GPHN: variants seen among roughly 807,000 people sequenced by gnomAD.
GPHN encodes gephyrin.
In GPHN, 17 loss-of-function variants were observed where a neutral mutation model predicts 95.5. That is an observed-to-expected ratio of 0.18 (90% CI 0.12 to 0.27). The LOEUF is 0.27. GPHN is among the 10% of genes least tolerant of loss of function. The probability of loss-of-function intolerance (pLI) is 1.00; values close to 1 mark genes in which losing one functional copy is unlikely to be tolerated. For synonymous variants in GPHN, 320 were observed against 322.5 expected, an observed-to-expected ratio of 0.99 and a Z score of 0.08; for missense variants, 660 against 978.1, an observed-to-expected ratio of 0.67 and a Z score of 4.34.
the GPHN span, among the ~76,000 whole-genome samples, chr14:67,261,421 A>T: frequency 2.6e-5 from 4 of 152,164 alleles, no homozygotes; most frequent in African/African-American, 4.8e-5. Flanking sequence ...GGGAGTTGGT[A>T]TAGTTATAAG....
chr14:67,221,690 A>G, the GPHN span: 1 of 1,549,300 alleles, frequency 6.5e-7, no homozygotes, highest in Non-Finnish European at 8.8e-7. Context: ...CATTTAAAGA[A>G]TGACCGGTTA....
At chr14:67,227,223 C>T in the GPHN span, among the ~76,000 whole-genome samples, 4 of 151,850 alleles carry the variant, frequency 2.6e-5, no homozygotes, top group African/African-American at 4.8e-5. Flanking sequence ...GGGTGGATCA[C>T]GAGGTCAGGA....
chr14:67,359,776 G>C, the GPHN span: 3 of 1,542,612 alleles, frequency 1.9e-6, no homozygotes, highest in Admixed American at 5.0e-5. Flanking sequence ...CCTCCACAGT[G>C]TCTTCCTCTA....
At chr14:66,916,781 C>T (rs2153558558) in intron 6 of GPHN, among the ~76,000 whole-genome samples, 1 of 152,252 alleles carries the variant, frequency 6.6e-6, no homozygotes, top group South Asian at 2.1e-4. Flanking sequence ...CTACTTTTAC[C>T]CTCAGACTCT....
At chr14:67,503,465 CAG>C in the GPHN span, 1 of 152,190 alleles carries the variant, frequency 6.6e-6, no homozygotes, top group Non-Finnish European at 1.5e-5. Flanking sequence ...GCTTGAATGA[CAG>C]GGCAAAGGAC....
the GPHN span, among the ~76,000 whole-genome samples, chr14:67,347,674 A>C: frequency 1.1e-4 from 16 of 151,794 alleles, no homozygotes; most frequent in African/African-American, 3.9e-4. Context: ...CTAATTTTGT[A>C]TTTTTAGTAG....
At chr14:67,639,288 A>T in the GPHN span, among the ~76,000 whole-genome samples, 4 of 152,118 alleles carry the variant, frequency 2.6e-5, no homozygotes, top group African/African-American at 9.7e-5. Context: ...AAGTTCTGTG[A>T]CTTATCCACT....
intron 11 of GPHN, among the ~76,000 whole-genome samples, chr14:67,080,628 G>A (rs1001273323): frequency 6.6e-6 from 1 of 151,860 alleles, no homozygotes; most frequent in Non-Finnish European, 1.5e-5. Flanking sequence ...AATTTCCATA[G>A]GTTATTAGGG....
At chr14:67,573,119 G>A in the GPHN span, among the ~76,000 whole-genome samples, 1 of 152,208 alleles carries the variant, frequency 6.6e-6, no homozygotes, top group African/African-American at 2.4e-5. The surrounding 1 kb of genome is among the most constrained non-coding windows in gnomAD (Gnocchi z 4.8). Flanking sequence ...AACCATAGCA[G>A]GGCATGGTAC....
chr14:67,389,114 T>C, the GPHN span, among the ~76,000 whole-genome samples: 1 of 151,958 alleles, frequency 6.6e-6, no homozygotes, highest in Non-Finnish European at 1.5e-5. Context: ...TCAGGGCAAC[T>C]TTACACACCT....
chr14:67,201,738 C>A, the GPHN span: 1 of 339,892 alleles, frequency 2.9e-6, no homozygotes, highest in Non-Finnish European at 5.8e-6. Context: ...AGAAGAGGGG[C>A]ACAGTTTGGG....
At chr14:67,002,510 C>T (rs549062286) in intron 9 of GPHN, among the ~76,000 whole-genome samples, 177 of 151,112 alleles carry the variant, frequency 1.2e-3, no homozygotes, top group African/African-American at 4.1e-3. Flanking sequence ...AACATTTTGT[C>T]GGTTTTCTTG....
the GPHN span, among the ~76,000 whole-genome samples, chr14:67,428,195 A>G: frequency 6.6e-6 from 1 of 152,144 alleles, no homozygotes; most frequent in African/African-American, 2.4e-5. Context: ...CTGGAATTAC[A>G]GGCATGAGCC....
the GPHN span, among the ~76,000 whole-genome samples, chr14:67,469,047 G>C: frequency 3.3e-5 from 5 of 152,074 alleles, no homozygotes; most frequent in Non-Finnish European, 7.3e-5. Flanking sequence ...ATCTTGTTCT[G>C]AGAGAACTAC....
At chr14:67,379,815 C>T in the GPHN span, among the ~76,000 whole-genome samples, 4 of 150,820 alleles carry the variant, frequency 2.7e-5, no homozygotes, top group East Asian at 2.0e-4. Context: ...CCACTACGCC[C>T]GGCTAATTTT....
chr14:67,664,663 A>AT, the GPHN span, among the ~76,000 whole-genome samples: 3 of 151,476 alleles, frequency 2.0e-5, no homozygotes, highest in Non-Finnish European at 4.4e-5. Context: ...TGCCCGGCTA[A>AT]TTTTTTTACA....
chr14:67,225,757 C>G, the GPHN span, among the ~76,000 whole-genome samples: 1 of 152,138 alleles, frequency 6.6e-6, no homozygotes, highest in Non-Finnish European at 1.5e-5. Flanking sequence ...GTGGCCCTGG[C>G]CTACTGTATT....
intron 2 of GPHN, among the ~76,000 whole-genome samples, chr14:66,687,984 A>C (rs780076444): frequency 2.4e-4 from 37 of 152,188 alleles, no homozygotes; most frequent in Non-Finnish European, 4.1e-4. Context: ...TTGAACATTT[A>C]GGTGTAACTT....
At chr14:67,618,265 A>G in the GPHN span, among the ~76,000 whole-genome samples, 3 of 152,190 alleles carry the variant, frequency 2.0e-5, no homozygotes, top group Non-Finnish European at 4.4e-5. Context: ...CCCTACCCCT[A>G]GAGTTACTGA....
Sources: gnomAD v4.1 joint callset for allele counts (sites outside exome capture counted in the v4.1 genomes callset) on GRCh38, gnomAD v4.1.1 for gene constraint, Gnocchi (gnomAD v3.1) non-coding constraint, MANE v1.5 for transcripts, NCBI Gene and HGNC (gene_info 2026-07-23, HGNC 2026-07-21) for gene names.